Variants in ATL1 observed in about 807,000 individuals in gnomAD.
ATL1 encodes the protein atlastin GTPase 1.
In ATL1, 31 loss-of-function variants were observed where a neutral mutation model predicts 75.5. The observed-to-expected ratio is 0.41, with a 90% CI of 0.31 to 0.55. The LOEUF (loss-of-function observed/expected upper bound fraction) is 0.55, where lower values mean the gene tolerates loss of function less well. Among genes scored for constraint, ATL1 ranks in the 20% least tolerant of loss-of-function variants. ATL1 has a pLI of 0.27. For missense variants in ATL1, 405 were observed against 662.6 expected (o/e 0.61, Z 4.27); for synonymous variants, 226 against 233.3 (o/e 0.97, Z 0.28).
chr14:50,533,361 GA>G (rs2038446860), exon 1 of ATL1: 1 of 152,008 alleles, frequency 6.6e-6, no homozygotes, highest in African/African-American at 2.4e-5. Flanking sequence ...TCTGCAGCTT[GA>G]AGAGGGTAAG....
At chr14:50,561,490 A>C (rs909271017) in intron 1 of ATL1, among the ~76,000 whole-genome samples, 1 of 152,230 alleles carries the variant, frequency 6.6e-6, no homozygotes, top group African/African-American at 2.4e-5. Context: ...TCCACATCTC[A>C]GTGAGAGCTC....
chr14:50,545,498 C>T (rs1040474988), intron 1 of ATL1, among the ~76,000 whole-genome samples: 26 of 152,270 alleles, frequency 1.7e-4, no homozygotes, highest in African/African-American at 6.0e-4. Context: ...CCTTTGTGGG[C>T]TGCTGCTTGA....
At chr14:50,541,223 A>C (rs2038556270) in intron 1 of ATL1, among the ~76,000 whole-genome samples, 1 of 152,236 alleles carries the variant, frequency 6.6e-6, no homozygotes, top group African/African-American at 2.4e-5. Context: ...TCTATGATAG[A>C]GTATCATTCC....
upstream of ATL1, among the ~76,000 whole-genome samples, chr14:50,558,676 C>A (rs998988113): frequency 6.6e-6 from 1 of 152,048 alleles, no homozygotes; most frequent in Non-Finnish European, 1.5e-5. Context: ...CTATTGTACT[C>A]TTAAAAATGG....
chr14:50,576,938 T>C (rs1331899024), intron 1 of ATL1, among the ~76,000 whole-genome samples: 1 of 151,062 alleles, frequency 6.6e-6, no homozygotes, highest in Non-Finnish European at 1.5e-5. Flanking sequence ...AAATAATGAG[T>C]CGAGTACATA....
At chr14:50,596,432 C>G (rs1411678419) in intron 6 of ATL1, among the ~76,000 whole-genome samples, 1 of 152,044 alleles carries the variant, frequency 6.6e-6, no homozygotes, top group Non-Finnish European at 1.5e-5. Context: ...GTCAAGTAAA[C>G]AGAAAATGAG....
intron 9 of ATL1, 56 bp downstream of exon 9, chr14:50,620,782 T>C (rs778698368): frequency 6.7e-5 from 107 of 1,595,052 alleles, no homozygotes; most frequent in Non-Finnish European, 8.6e-5. Flanking sequence ...TATTGGATCG[T>C]AATTCCTATA....
intron 1 of ATL1, among the ~76,000 whole-genome samples, chr14:50,565,773 T>C (rs1004296583): frequency 2.6e-5 from 4 of 152,188 alleles, no homozygotes; most frequent in African/African-American, 9.7e-5. Flanking sequence ...TAATCCACTG[T>C]GTAGTACTTC....
chr14:50,608,912 G>A (rs1595611718), intron 6 of ATL1, among the ~76,000 whole-genome samples: 1 of 151,978 alleles, frequency 6.6e-6, no homozygotes, highest in Non-Finnish European at 1.5e-5. Flanking sequence ...TACTTAAAGA[G>A]GGTGGATGTG....
chr14:50,618,893 T>A (rs4322575), intron 8 of ATL1, among the ~76,000 whole-genome samples: 76,174 of 144,614 alleles, frequency 0.53, 20,255 homozygotes, highest in East Asian at 0.74. Flanking sequence ...ATATATATAT[T>A]TTTTTTTCTT....
intron 1 of ATL1, among the ~76,000 whole-genome samples, chr14:50,575,754 ATT>A (rs5808558): frequency 1.3e-5 from 2 of 151,792 alleles, no homozygotes; most frequent in African/African-American, 4.8e-5. Context: ...GGAAAAATAG[ATT>A]TTTTTTTACA....
chr14:50,576,474 A>G (rs1164250496), intron 1 of ATL1, among the ~76,000 whole-genome samples: 1 of 152,156 alleles, frequency 6.6e-6, no homozygotes, highest in East Asian at 1.9e-4. Flanking sequence ...GGATTTGCAC[A>G]GTATTCTGGG....
intron 9 of ATL1, among the ~76,000 whole-genome samples, chr14:50,621,590 T>C (rs2039467251): frequency 6.6e-6 from 1 of 152,176 alleles, no homozygotes; most frequent in African/African-American, 2.4e-5. Context: ...AAGAACATTT[T>C]AAAGGGAGTG....
intron 11 of ATL1, among the ~76,000 whole-genome samples, chr14:50,627,738 G>C (rs1017097816): frequency 3.0e-4 from 46 of 152,178 alleles, no homozygotes; most frequent in Admixed American, 2.5e-3. Flanking sequence ...TGCACTTCAT[G>C]TTGTGTCACA....
chr14:50,619,842 T>C (rs149011970), intron 8 of ATL1, among the ~76,000 whole-genome samples: 1 of 152,336 alleles, frequency 6.6e-6, no homozygotes, highest in East Asian at 1.9e-4. Flanking sequence ...GTGGGCACGC[T>C]ATGCACGGAG....
chr14:50,626,807 A>G lies in ATL1; in HGVS notation c.1120-1224A>G, dbSNP rs374451838. 8.5e-5 allele frequency among the ~76,000 whole-genome samples: 13 copies of G among 152,288 alleles called. No homozygotes were observed. In the East Asian group the frequency reaches 2.5e-3, roughly 29 times the overall value. Reference sequence around the variant, plus strand: ...TTGAAATGTACAGTAGATTATTGCTAATTACAGTCACCCTACTGAGCTATT... The same window carrying G: ...TTGAAATGTACAGTAGATTATTGCTGATTACAGTCACCCTACTGAGCTATT... On this transcript the variant is annotated intron_variant, in intron 11 of 13. Coordinates refer to ENST00000358385, the MANE Select transcript of ATL1 (RefSeq NM_015915.5).
chr14:50,601,306 A>T (rs1182085494), intron 6 of ATL1, among the ~76,000 whole-genome samples: 1 of 152,204 alleles, frequency 6.6e-6, no homozygotes. Flanking sequence ...TCAAGCTGTA[A>T]TCAAGCAAAC....
intron 1 of ATL1, among the ~76,000 whole-genome samples, chr14:50,554,480 G>A (rs955799226): frequency 6.6e-6 from 1 of 152,198 alleles, no homozygotes; most frequent in Admixed American, 6.5e-5. Flanking sequence ...AATATAAAGA[G>A]CTGGGGAATG....
intron 1 of ATL1, among the ~76,000 whole-genome samples, chr14:50,534,123 GA>G: frequency 6.6e-6 from 1 of 152,252 alleles, no homozygotes; most frequent in East Asian, 1.9e-4. Flanking sequence ...ATTCATTTGA[GA>G]TTTTTTTCCT....
Sources: allele counts gnomAD v4.1 joint callset (sites outside exome capture counted in the v4.1 genomes callset), GRCh38; gene constraint gnomAD v4.1.1; transcripts MANE v1.5; gene names NCBI Gene and HGNC (gene_info 2026-07-23, HGNC 2026-07-21).